The following ARHGAP12 variants were observed in gnomAD, a reference collection of about 807,000 sequenced individuals.
ARHGAP12 encodes Rho GTPase activating protein 12.
A neutral mutation model predicts 108.6 loss-of-function variants in ARHGAP12; 64 were observed. The observed-to-expected ratio is 0.59, with a 90% CI of 0.48 to 0.73. The LOEUF (loss-of-function observed/expected upper bound fraction) is 0.73, where lower values mean the gene tolerates loss of function less well. Ranked by LOEUF, ARHGAP12 falls within the 30% of genes least tolerant of loss-of-function variation. The probability of loss-of-function intolerance (pLI) is 0.00; values close to 1 mark genes in which losing one functional copy is unlikely to be tolerated. For synonymous variants in ARHGAP12, 312 were observed against 337.2 expected, an observed-to-expected ratio of 0.93 and a Z score of 0.82; for missense variants, 940 against 1,005.9, an observed-to-expected ratio of 0.93 and a Z score of 0.89.
intron 9 of ARHGAP12, among the ~76,000 whole-genome samples, chr10:31,836,813 G>C (rs1380024728): frequency 6.6e-6 from 1 of 152,144 alleles, no homozygotes; most frequent in Non-Finnish European, 1.5e-5. Flanking sequence ...GTCACAGAGG[G>C]CAGAAACCTC....
At chr10:31,887,953 G>T (rs550101308) in intron 3 of ARHGAP12, among the ~76,000 whole-genome samples, 1 of 151,934 alleles carries the variant, frequency 6.6e-6, no homozygotes, top group African/African-American at 2.4e-5. Context: ...CACCGCGCCC[G>T]GCCTGCCCTT....
intron 1 of ARHGAP12, among the ~76,000 whole-genome samples, chr10:31,923,733 A>G (rs1006708311): frequency 3.9e-5 from 6 of 152,234 alleles, no homozygotes; most frequent in African/African-American, 1.4e-4. Context: ...TTGATTTCCT[A>G]GAATCAAACT....
At chr10:31,899,439 G>A (rs1490935970) in intron 3 of ARHGAP12, among the ~76,000 whole-genome samples, 2 of 152,124 alleles carry the variant, frequency 1.3e-5, no homozygotes, top group African/African-American at 4.8e-5. Flanking sequence ...ACACAATACT[G>A]AAGTACAACC....
chr10:31,920,790 C>T (rs1372728038), intron 1 of ARHGAP12, among the ~76,000 whole-genome samples: 1 of 152,124 alleles, frequency 6.6e-6, no homozygotes, highest in Non-Finnish European at 1.5e-5. Flanking sequence ...TAGTTTCTTA[C>T]AAACCTAAGT....
chr10:31,904,452 T>C (rs1839040870), intron 3 of ARHGAP12, among the ~76,000 whole-genome samples: 1 of 152,110 alleles, frequency 6.6e-6, no homozygotes, highest in African/African-American at 2.4e-5. Flanking sequence ...AGGGTTAAGA[T>C]GGGAGGGAAT....
intron 1 of ARHGAP12, among the ~76,000 whole-genome samples, chr10:31,921,487 CG>C (rs1839804593): frequency 1.3e-5 from 2 of 151,906 alleles, no homozygotes; most frequent in South Asian, 4.2e-4. Flanking sequence ...TTGTAGAGGT[CG>C]GGCGCGGTAG....
At chr10:31,822,348 G>A (rs1026838064) in intron 11 of ARHGAP12, among the ~76,000 whole-genome samples, 1 of 152,178 alleles carries the variant, frequency 6.6e-6, no homozygotes, top group Non-Finnish European at 1.5e-5. Flanking sequence ...CAGAGACTGA[G>A]CCTTGTTGGC....
chr10:31,890,439 T>C (rs1298918582), intron 3 of ARHGAP12, among the ~76,000 whole-genome samples: 2 of 152,220 alleles, frequency 1.3e-5, no homozygotes, highest in Non-Finnish European at 2.9e-5. Flanking sequence ...TAAGCCATTA[T>C]ATAGCAGAAA....
At chr10:31,926,057 G>A (rs1840024007) in intron 1 of ARHGAP12, among the ~76,000 whole-genome samples, 1 of 152,108 alleles carries the variant, frequency 6.6e-6, no homozygotes. Flanking sequence ...GGACAGCAGT[G>A]GTCTGTGGTC....
intron 11 of ARHGAP12, among the ~76,000 whole-genome samples, chr10:31,823,333 G>A (rs1835483962): frequency 6.6e-6 from 1 of 152,132 alleles, no homozygotes; most frequent in Non-Finnish European, 1.5e-5. Flanking sequence ...CAGAAAACCA[G>A]TGGAAGGTAT....
At position 31,809,316 on chromosome 10, in the gene ARHGAP12, CA is replaced by C; in HGVS notation, c.2051-10del. ...CCCATCAATATCCAAACCTAAGAGACAATAATAATTTGTGTGTGTGTGTGTT... is the reference window on the plus strand; with the variant it reads ...CCCATCAATATCCAAACCTAAGAGACATAATAATTTGTGTGTGTGTGTGTT... On this transcript the variant is annotated splice_polypyrimidine_tract_variant and intron_variant, in intron 16 of 19. Coordinates refer to ENST00000344936, the MANE Select transcript of ARHGAP12 (RefSeq NM_018287.7). The C allele has an allele frequency of 1.2e-6, 2 of 1,612,334 alleles. No individual in the cohort carries two copies. The highest frequency in any genetic ancestry group is 1.7e-6 in the Non-Finnish European group (2 of 1,178,458).
chr10:31,906,664 G>C (rs536591327), intron 3 of ARHGAP12, among the ~76,000 whole-genome samples: 1 of 152,314 alleles, frequency 6.6e-6, no homozygotes, highest in South Asian at 2.1e-4. Context: ...AAGAGGGCTG[G>C]CTGGAGAAAT....
Position 31,874,996 on chromosome 10 carries a change from AAAAAAAT to A in ARHGAP12, c.685-13345_685-13339del, listed in dbSNP as rs1338270843. Among the ~76,000 whole-genome samples the A allele has an allele frequency of 1.5e-4, 23 of 150,772 alleles. No homozygotes were observed. In the South Asian group the frequency reaches 1.7e-3, roughly 11 times the overall value. ...CTCAAAAAAAAAAAAAAAAAAAAAA[AAAAAAAT>A]TTTCACACACATACTCATGTATCTG... On this transcript the variant is annotated intron_variant, in intron 3 of 19. Coordinates refer to ENST00000344936, the MANE Select transcript of ARHGAP12 (RefSeq NM_018287.7).
chr10:31,809,604 T>C lies in ARHGAP12; in HGVS notation c.2051-297A>G, dbSNP rs541134820. 7.2e-5 allele frequency: 17 copies of C among 237,282 alleles called. No individual in the cohort carries two copies. In the South Asian group the frequency reaches 9.1e-4, roughly 13 times the overall value. The allele number at this position is 237,282 out of a possible 1,614,324, so 14.7% of individuals were successfully genotyped here. ...TAAAACACTAACAATTTCAAATTTC[T>C]GAAAACATCTGGGGATAATTCAAAA... On this transcript the variant is annotated intron_variant, in intron 16 of 19. Coordinates refer to ENST00000344936, the MANE Select transcript of ARHGAP12 (RefSeq NM_018287.7).
At chr10:31,901,534 CAAAAAAAAAA>C (rs61402251) in intron 3 of ARHGAP12, among the ~76,000 whole-genome samples, 1 of 64,258 alleles carries the variant, frequency 1.6e-5, no homozygotes, top group South Asian at 6.1e-4. Flanking sequence ...AACCTGGTCT[CAAAAAAAAAA>C]AAAAAAAAAA....
chr10:31,880,059 CTCA>C (rs1272696494), intron 3 of ARHGAP12, among the ~76,000 whole-genome samples: 2 of 152,318 alleles, frequency 1.3e-5, no homozygotes, highest in East Asian at 1.9e-4. Flanking sequence ...ATGCTCTCTG[CTCA>C]TCATCATATT....
At chr10:31,896,430 C>A (rs1427554911) in intron 3 of ARHGAP12, among the ~76,000 whole-genome samples, 1 of 151,560 alleles carries the variant, frequency 6.6e-6, no homozygotes, top group Non-Finnish European at 1.5e-5. Flanking sequence ...AGATTTCTGG[C>A]CTTCTTCCTA....
intron 13 of ARHGAP12, among the ~76,000 whole-genome samples, chr10:31,816,207 G>GTGTGTGTGTGTGTGTA (rs1835200286): frequency 6.7e-6 from 1 of 149,404 alleles, no homozygotes; most frequent in Non-Finnish European, 1.5e-5. Context: ...GTGTGTGTGT[G>GTGTGTGTGTGTGTGTA]TGTAAAATCA....
chr10:31,845,477 T>G (rs752914197), intron 6 of ARHGAP12, among the ~76,000 whole-genome samples: 1 of 152,142 alleles, frequency 6.6e-6, no homozygotes, highest in Non-Finnish European at 1.5e-5. Context: ...TTTAGCATAA[T>G]GTGTCATTGT....
Sources: allele counts gnomAD v4.1 joint callset (sites outside exome capture counted in the v4.1 genomes callset), GRCh38; gene constraint gnomAD v4.1.1; transcripts MANE v1.5; gene names NCBI Gene and HGNC (gene_info 2026-07-23, HGNC 2026-07-21).